OSBPL10: variants seen among roughly 807,000 people sequenced by gnomAD.
The protein encoded by OSBPL10 is oxysterol-binding protein-related protein 10.
A neutral mutation model predicts 81.7 loss-of-function variants in OSBPL10; 49 were observed. The observed-to-expected ratio is 0.60, with a 90% CI of 0.48 to 0.76. The LOEUF is 0.76. Ranked by LOEUF, OSBPL10 falls within the 30% of genes least tolerant of loss-of-function variation. The pLI is 0.00. For synonymous variants in OSBPL10, 419 were observed against 383.6 expected (o/e 1.09, Z -1.08); for missense variants, 923 against 987.8 (o/e 0.93, Z 0.88).
chr3:31,813,126 G>A (rs940211059), intron 4 of OSBPL10, among the ~76,000 whole-genome samples: 6 of 152,244 alleles, frequency 3.9e-5, no homozygotes, highest in African/African-American at 1.4e-4. Context: ...TGTTATCCTT[G>A]GACTGCAGAG....
At chr3:32,030,741 C>G (rs1454610627) in intron 2 of OSBPL10, 1 of 662,418 alleles carries the variant, frequency 1.5e-6, no homozygotes, top group Non-Finnish European at 2.7e-6. Context: ...TAAAAAATTA[C>G]TAAGCAAAAC....
intron 3 of OSBPL10, among the ~76,000 whole-genome samples, chr3:31,869,043 A>G (rs1364691392): frequency 6.6e-6 from 1 of 152,240 alleles, no homozygotes; most frequent in Admixed American, 6.5e-5. Context: ...AAAGGTGGTC[A>G]GGAGTCTGAA....
At chr3:31,750,954 C>A (rs1036094478) in intron 4 of OSBPL10, among the ~76,000 whole-genome samples, 16 of 152,062 alleles carry the variant, frequency 1.1e-4, no homozygotes, top group African/African-American at 3.9e-4. Context: ...AGAGAATATT[C>A]TTCTCTATTA....
rs1029674888 is a variant in OSBPL10 at position 31,930,028 on chromosome 3, A to G, written c.282-50198T>C. Among the ~76,000 whole-genome samples, 5 of 143,322 alleles carry G rather than the reference A, an allele frequency of 3.5e-5. No individual in the cohort carries two copies. The East Asian group carries it at 1.1e-3, about 32-fold the overall frequency. 94.0% of individuals were successfully genotyped at this position (143,322 alleles called of 152,430 possible). On this transcript the variant is annotated intron_variant, in intron 1 of 11. Coordinates refer to ENST00000396556, the MANE Select transcript of OSBPL10 (RefSeq NM_017784.5). ...CAAAAAAAAAAAAAAAAAAAAAAACAGGTGTGGTGGCCTACGCCTGTAATA... is the reference window on the plus strand; with the variant it reads ...CAAAAAAAAAAAAAAAAAAAAAAACGGGTGTGGTGGCCTACGCCTGTAATA...
chr3:31,731,353 G>C (rs778214223), intron 6 of OSBPL10, among the ~76,000 whole-genome samples: 3 of 152,098 alleles, frequency 2.0e-5, no homozygotes, highest in African/African-American at 4.8e-5. Flanking sequence ...AACTTGCTCT[G>C]ACAAAACAAT....
intron 6 of OSBPL10, among the ~76,000 whole-genome samples, chr3:31,723,149 G>C (rs112832968): frequency 4.6e-5 from 7 of 152,216 alleles, no homozygotes; most frequent in African/African-American, 1.4e-4. Flanking sequence ...CCAATAGAGA[G>C]AACTTTATGT....
chr3:31,830,731 T>A (rs1700218664), intron 3 of OSBPL10, among the ~76,000 whole-genome samples: 1 of 152,236 alleles, frequency 6.6e-6, no homozygotes, highest in Non-Finnish European at 1.5e-5. Context: ...TCTTAAGAGA[T>A]GCTTTCATGC....
chr3:31,831,074 AT>A (rs1411753057), intron 3 of OSBPL10, among the ~76,000 whole-genome samples: 2 of 152,202 alleles, frequency 1.3e-5, no homozygotes, highest in Non-Finnish European at 2.9e-5. Context: ...AAGAAAACAC[AT>A]AACCATGGGC....
chr3:31,960,345 C>CAA (rs1698124855), intron 1 of OSBPL10: 1 of 152,160 alleles, frequency 6.6e-6, no homozygotes, highest in Non-Finnish European at 1.5e-5. Context: ...TCCCTCACCA[C>CAA]GTTCAGTAAT....
intron 3 of OSBPL10, among the ~76,000 whole-genome samples, chr3:31,851,255 G>A (rs1559491673): frequency 6.6e-6 from 1 of 152,146 alleles, no homozygotes; most frequent in South Asian, 2.1e-4. Context: ...AGAAATCCCC[G>A]ATGCCCTGGA....
intron 3 of OSBPL10, among the ~76,000 whole-genome samples, chr3:31,836,518 C>T (rs1191340393): frequency 6.6e-6 from 1 of 151,730 alleles, no homozygotes; most frequent in East Asian, 1.9e-4. Flanking sequence ...CAACTCCTCC[C>T]ATCCACCAAT....
intron 1 of OSBPL10, among the ~76,000 whole-genome samples, chr3:32,070,386 A>G (rs76435892): frequency 0.015 from 2,220 of 152,258 alleles, 47 homozygotes; most frequent in East Asian, 0.087. Context: ...TAACCAAATT[A>G]TCTGCTTCCC....
chr3:32,022,838 A>C (rs886098697), intron 2 of OSBPL10, among the ~76,000 whole-genome samples: 3 of 152,154 alleles, frequency 2.0e-5, no homozygotes, highest in Non-Finnish European at 4.4e-5. Flanking sequence ...ATTTGGGATC[A>C]GCAGAAAAGA....
intron 4 of OSBPL10, among the ~76,000 whole-genome samples, chr3:31,818,075 C>T (rs536309536): frequency 6.6e-6 from 1 of 152,248 alleles, no homozygotes; most frequent in Admixed American, 6.5e-5. Flanking sequence ...CACTGCACTC[C>T]AGCCTGAGTG....
At chr3:31,679,906 G>A (rs1201341068) in intron 8 of OSBPL10, among the ~76,000 whole-genome samples, 1 of 152,124 alleles carries the variant, frequency 6.6e-6, no homozygotes, top group African/African-American at 2.4e-5. Context: ...ACCTCCCACA[G>A]GGGAGTCCTT....
chr3:31,698,578 T>C (rs1259853102), intron 7 of OSBPL10, among the ~76,000 whole-genome samples: 2 of 152,190 alleles, frequency 1.3e-5, no homozygotes, highest in Non-Finnish European at 2.9e-5. Flanking sequence ...TAAACGGCCC[T>C]ATAACCTGCT....
intron 2 of OSBPL10, chr3:32,030,389 A>G (rs1177004924): frequency 1.6e-6 from 1 of 612,658 alleles, no homozygotes; most frequent in Non-Finnish European, 3.0e-6. Flanking sequence ...GGAAGAGTCT[A>G]CAATGTGACC....
At chr3:31,803,944 T>C (rs960385689) in intron 4 of OSBPL10, among the ~76,000 whole-genome samples, 1 of 152,254 alleles carries the variant, frequency 6.6e-6, no homozygotes, top group Non-Finnish European at 1.5e-5. Flanking sequence ...TGGTGTCCAC[T>C]AGTTTTCTCC....
At chr3:31,842,601 A>T (rs923582610) in intron 3 of OSBPL10, among the ~76,000 whole-genome samples, 1 of 152,252 alleles carries the variant, frequency 6.6e-6, no homozygotes, top group Non-Finnish European at 1.5e-5. Flanking sequence ...ATGAAGAAGA[A>T]AATTAAACTC....
Sources: allele counts gnomAD v4.1 joint callset (sites outside exome capture counted in the v4.1 genomes callset), GRCh38; gene constraint gnomAD v4.1.1; transcripts MANE v1.5; gene names NCBI Gene and HGNC (gene_info 2026-07-23, HGNC 2026-07-21).